RAP1GAP2: variants seen among roughly 807,000 people sequenced by gnomAD.
The protein encoded by RAP1GAP2 is RAP1 GTPase activating protein 2, also known as rap1 GTPase-activating protein 2.
A neutral mutation model predicts 95.0 loss-of-function variants in RAP1GAP2; 27 were observed. The ratio of observed to expected loss-of-function variants is 0.28; its 90% CI spans 0.21 to 0.39. The LOEUF (loss-of-function observed/expected upper bound fraction) is 0.39. Ranked by LOEUF, RAP1GAP2 falls within the 10% of genes least tolerant of loss-of-function variation. RAP1GAP2 has a pLI of 1.00. For synonymous variants in RAP1GAP2, 373 were observed against 380.9 expected, an observed-to-expected ratio of 0.98 and a Z score of 0.24; for missense variants, 771 against 970.0, an observed-to-expected ratio of 0.79 and a Z score of 2.72.
chr17:2,853,048 G>C (rs2071942633), intron 2 of RAP1GAP2, among the ~76,000 whole-genome samples: 1 of 152,052 alleles, frequency 6.6e-6, no homozygotes, highest in South Asian at 2.1e-4. Flanking sequence ...CGGGGTCGCC[G>C]TGAAGTTGGT....
chr17:2,766,944 C>T (rs1223670578), intron 1 of RAP1GAP2, among the ~76,000 whole-genome samples: 1 of 152,036 alleles, frequency 6.6e-6, no homozygotes, highest in Non-Finnish European at 1.5e-5. Flanking sequence ...CCAGCAAATC[C>T]CCTGTGCCCC....
At chr17:2,878,415 G>A (rs2073165692) in intron 2 of RAP1GAP2, among the ~76,000 whole-genome samples, 1 of 152,164 alleles carries the variant, frequency 6.6e-6, no homozygotes, top group Admixed American at 6.5e-5. Flanking sequence ...CTTGGTGTGG[G>A]TGAGGCTGAG....
chr17:2,946,805 C>T (rs557908248), intron 3 of RAP1GAP2, among the ~76,000 whole-genome samples: 6 of 152,260 alleles, frequency 3.9e-5, no homozygotes, highest in East Asian at 3.9e-4. Context: ...CCCAGGCTGG[C>T]GTGCAGTGGC....
rs1262914262 is a variant in RAP1GAP2 at position 2,796,504 on chromosome 17, A to T, written c.-24A>T. 1 of 1,553,358 alleles carries T rather than the reference A, an allele frequency of 6.4e-7. No homozygotes were observed. The highest frequency in any genetic ancestry group is 1.4e-5 in the African/African-American group (1 of 73,066). The stretch of plus-strand genomic sequence containing the variant: ...GGGACGTCGTTGGGACATCGCTGGG[A>T]CCCCGGGCTCTGCAGCCACAACCAT... On this transcript the variant is annotated 5_prime_UTR_variant, in exon 1 of 25. Coordinates refer to ENST00000254695, the MANE Select transcript of RAP1GAP2 (RefSeq NM_015085.5). This position sits in a 1 kb window ranked among gnomAD's most constrained non-coding sequence, Gnocchi z 4.7.
intron 2 of RAP1GAP2, among the ~76,000 whole-genome samples, chr17:2,899,478 T>C (rs1265357219): frequency 2.0e-5 from 3 of 152,074 alleles, no homozygotes; most frequent in Non-Finnish European, 2.9e-5. Context: ...CCCAAAGTGC[T>C]GGGATTACAG....
chr17:2,785,091 G>C (rs2068742470), intron 1 of RAP1GAP2, among the ~76,000 whole-genome samples: 1 of 152,208 alleles, frequency 6.6e-6, no homozygotes, highest in South Asian at 2.1e-4. Flanking sequence ...GGAATCTCAG[G>C]GTTTGCTCCT....
At chr17:2,992,683 C>T (rs1359983788) in intron 12 of RAP1GAP2, among the ~76,000 whole-genome samples, 2 of 152,138 alleles carry the variant, frequency 1.3e-5, no homozygotes, top group Non-Finnish European at 2.9e-5. Flanking sequence ...AATACCTAGC[C>T]CAGTGCCTGG....
At chr17:2,913,584 C>T (rs28755835) in intron 3 of RAP1GAP2, among the ~76,000 whole-genome samples, 13,293 of 152,168 alleles carry the variant, frequency 0.087, 1,224 homozygotes, top group East Asian at 0.3. Flanking sequence ...CCACCACACT[C>T]GGCCTTCTGT....
chr17:2,907,991 G>C (rs2042255811), intron 3 of RAP1GAP2, among the ~76,000 whole-genome samples: 1 of 151,960 alleles, frequency 6.6e-6, no homozygotes, highest in African/African-American at 2.4e-5. Context: ...ATTTTTAGTA[G>C]AGACGGGGAT....
In RAP1GAP2 at chr17:2,857,618, G is replaced by T. The variant is rs1262968941; in HGVS notation, c.81-47666G>T. ...AAAAGCAGTGGCGTGTCTGAGAGGG[G>T]ATTGGGTTTGAGTATGGCTCCCAGG... is the stretch of plus-strand genomic sequence containing the variant. On this transcript the variant is annotated intron_variant, in intron 2 of 24. Coordinates refer to ENST00000254695, the MANE Select transcript of RAP1GAP2 (RefSeq NM_015085.5). This position sits in a 1 kb window ranked among gnomAD's most constrained non-coding sequence, Gnocchi z 4.0. Among the ~76,000 whole-genome samples the T allele has an allele frequency of 6.6e-6, 1 of 152,204 alleles. No homozygotes were observed. The highest frequency in any genetic ancestry group is 1.5e-5 in the Non-Finnish European group (1 of 68,040).
chr17:2,876,565 G>A (rs1237383687), intron 2 of RAP1GAP2, among the ~76,000 whole-genome samples: 1 of 152,164 alleles, frequency 6.6e-6, no homozygotes, highest in East Asian at 1.9e-4. Context: ...GAATGTCAGG[G>A]TTAAGATAAG....
chr17:2,784,195 G>C (rs1029960200), intron 1 of RAP1GAP2, among the ~76,000 whole-genome samples: 5 of 151,978 alleles, frequency 3.3e-5, no homozygotes, highest in Admixed American at 1.3e-4. Context: ...GGATGGTCTC[G>C]AATTCCTGAC....
intron 2 of RAP1GAP2, among the ~76,000 whole-genome samples, chr17:2,819,700 T>A (rs1434413873): frequency 4.0e-5 from 6 of 151,096 alleles, no homozygotes; most frequent in Non-Finnish European, 8.9e-5. Flanking sequence ...ACTCCTGACC[T>A]CAGATGATCC....
At chr17:2,969,859 G>A (rs2044781116) in intron 8 of RAP1GAP2, among the ~76,000 whole-genome samples, 1 of 151,966 alleles carries the variant, frequency 6.6e-6, no homozygotes, top group African/African-American at 2.4e-5. Context: ...GTAGAATTCT[G>A]TAACTTGCTT....
intron 2 of RAP1GAP2, among the ~76,000 whole-genome samples, chr17:2,829,280 G>A (rs1490122781): frequency 1.4e-4 from 22 of 152,176 alleles, no homozygotes; most frequent in South Asian, 2.1e-4. Context: ...TACCATGCCC[G>A]GCCAATTACT....
chr17:2,981,102 G>A (rs1432642435), intron 9 of RAP1GAP2, 93 bp from the exon 10 acceptor site: 6 of 1,204,808 alleles, frequency 5.0e-6, no homozygotes, highest in South Asian at 2.7e-5. Flanking sequence ...CATGTGCCTC[G>A]CCCTCCCATG....
intron 2 of RAP1GAP2, among the ~76,000 whole-genome samples, chr17:2,885,398 G>A (rs555064414): frequency 1.3e-5 from 2 of 152,340 alleles, no homozygotes; most frequent in African/African-American, 2.4e-5. Context: ...GGGCACTGAT[G>A]CAACAGAGCC....
At chr17:2,992,498 T>C (rs1567866962) in intron 12 of RAP1GAP2, among the ~76,000 whole-genome samples, 2 of 152,048 alleles carry the variant, frequency 1.3e-5, no homozygotes, top group Admixed American at 6.6e-5. Context: ...AGATAGAACA[T>C]TGGGGCCGTT....
intron 13 of RAP1GAP2, among the ~76,000 whole-genome samples, chr17:2,997,922 C>CAAAAAAAAAAAAAAA (rs1313908992): frequency 1.5e-5 from 1 of 67,734 alleles, no homozygotes. Flanking sequence ...GACCCTGTCT[C>CAAAAAAAAAAAAAAA]AAAAAAAAAA....
Sources: gnomAD v4.1 joint callset for allele counts (sites outside exome capture counted in the v4.1 genomes callset) on GRCh38, gnomAD v4.1.1 for gene constraint, Gnocchi (gnomAD v3.1) non-coding constraint, MANE v1.5 for transcripts, NCBI Gene and HGNC (gene_info 2026-07-23, HGNC 2026-07-21) for gene names.